CDK19: variants seen among roughly 807,000 people sequenced by gnomAD.
CDK19 encodes the protein cyclin-dependent kinase 19.
In CDK19, 20 loss-of-function variants were observed where a neutral mutation model predicts 68.3. The observed-to-expected ratio is 0.29, with a 90% CI of 0.21 to 0.43. The LOEUF (loss-of-function observed/expected upper bound fraction) is 0.43. Among genes scored for constraint, CDK19 ranks in the 20% least tolerant of loss-of-function variants. The pLI is 1.00. For synonymous variants in CDK19, 221 were observed against 222.8 expected (o/e 0.99, Z 0.07); for missense variants, 339 against 623.5 (o/e 0.54, Z 4.86).
intron 2 of CDK19, among the ~76,000 whole-genome samples, chr6:110,677,418 T>G (rs1485044345): frequency 6.6e-6 from 1 of 151,628 alleles, no homozygotes; most frequent in Non-Finnish European, 1.5e-5. Flanking sequence ...AAAAAAAAAT[T>G]AGCTGGGCGT....
intron 2 of CDK19, among the ~76,000 whole-genome samples, chr6:110,723,682 T>C (rs1462952490): frequency 6.6e-6 from 1 of 152,246 alleles, no homozygotes; most frequent in African/African-American, 2.4e-5. Context: ...CTCCTGATTT[T>C]CACAAATGAC....
At chr6:110,633,343 T>C (rs1488379678) in intron 5 of CDK19, among the ~76,000 whole-genome samples, 3 of 152,206 alleles carry the variant, frequency 2.0e-5, no homozygotes, top group African/African-American at 7.2e-5. Flanking sequence ...AGAGCTGACA[T>C]ATATATATCT....
At chr6:110,764,717 G>A (rs1191757119) in intron 1 of CDK19, among the ~76,000 whole-genome samples, 8 of 152,122 alleles carry the variant, frequency 5.3e-5, no homozygotes, top group Non-Finnish European at 1.2e-4. Context: ...TTGGGAGGCC[G>A]AGGCAGGTGG....
intron 2 of CDK19, among the ~76,000 whole-genome samples, chr6:110,721,204 C>A (rs1348091792): frequency 2.0e-5 from 3 of 152,084 alleles, no homozygotes; most frequent in African/African-American, 4.8e-5. Flanking sequence ...TGCACCACTG[C>A]ACTCCAGTCT....
At chr6:110,749,385 T>C (rs76670462) in intron 1 of CDK19, among the ~76,000 whole-genome samples, 2,147 of 148,220 alleles carry the variant, frequency 0.014, 51 homozygotes, top group African/African-American at 0.052. Context: ...ATGTTCCTTT[T>C]TTTTTTGAGA....
At position 110,666,966 on chromosome 6, in the gene CDK19, C is replaced by T. The variant is rs185596417; in HGVS notation, c.456+468G>A. On this transcript the variant is annotated intron_variant, in intron 4 of 12. Transcript: ENST00000368911. ...AGCTAATTTGCCTAATAAGTATATACCACCTGTTAGATTTATTTATTCATT... is the reference window on the plus strand; with the variant it reads ...AGCTAATTTGCCTAATAAGTATATATCACCTGTTAGATTTATTTATTCATT... Among the ~76,000 whole-genome samples, 48 of 152,024 alleles carry T rather than the reference C, an allele frequency of 3.2e-4. 1 individual carries two copies. Among genetic ancestry groups the T allele is most frequent in the African/African-American group, 1.1e-3 (47 of 41,462 alleles).
intron 4 of CDK19, among the ~76,000 whole-genome samples, chr6:110,664,917 T>C (rs904774090): frequency 2.0e-5 from 3 of 152,256 alleles, no homozygotes; most frequent in Non-Finnish European, 2.9e-5. Flanking sequence ...TAAGGGGTTT[T>C]AAGATAGGGG....
intron 1 of CDK19, among the ~76,000 whole-genome samples, chr6:110,776,225 T>TC (rs1353017171): frequency 6.6e-6 from 1 of 151,798 alleles, no homozygotes; most frequent in African/African-American, 2.4e-5. Flanking sequence ...GGTCAGGAGT[T>TC]CAAGAGCAGC....
chr6:110,746,210 A>T lies in CDK19; in HGVS notation c.129-9T>A, dbSNP rs1381358873. 3 of 1,534,394 alleles carry T rather than the reference A, an allele frequency of 2.0e-6. No individual in the cohort carries two copies. The highest frequency in any genetic ancestry group is 1.9e-5 in the Admixed American group (1 of 53,824). On this transcript the variant is annotated splice_polypyrimidine_tract_variant and intron_variant, in intron 1 of 12. Transcript: ENST00000368911. ...ATTCCTTTTCATCTTTTCTGCACAT[A>T]AACAAAAAAACATCATTTTTCCATA...
At chr6:110,645,292 A>C (rs1342862515) in intron 4 of CDK19, among the ~76,000 whole-genome samples, 1 of 152,230 alleles carries the variant, frequency 6.6e-6, no homozygotes, top group African/African-American at 2.4e-5. Context: ...CATATTTGAA[A>C]ATTTTTAAAT....
At position 110,622,894 on chromosome 6, in the gene CDK19, T is replaced by C. The variant is rs1778804193; in HGVS notation, c.952A>G (p.Met318Val). 3.1e-6 allele frequency: 5 copies of C among 1,612,450 alleles called. No homozygotes were observed. The highest frequency in any genetic ancestry group is 1.3e-5 in the African/African-American group (1 of 75,004). The change falls in exon 10 of 13, where the codon ATG becomes GTG. Residue 318 changes from methionine to valine, a missense_variant. Around this residue, in one of 4 missense-constraint regions of CDK19, gnomAD observed 63 missense variants for 156.5 expected, o/e 0.40. Coordinates refer to ENST00000368911, the MANE Select transcript of CDK19 (RefSeq NM_015076.5). ...GAGGTAATTCTCTTGGTTGGATCCA[T>C]GGTCAGGAGTTTCTGAAGCTAGAGT... Reference protein sequence around the residue: ...VFLLLQKLLTMDPTKRITSEQ... With the variant: ...VFLLLQKLLTVDPTKRITSEQ...
chr6:110,721,870 C>G (rs553746444), intron 2 of CDK19, among the ~76,000 whole-genome samples: 3 of 152,034 alleles, frequency 2.0e-5, no homozygotes, highest in South Asian at 2.1e-4. Flanking sequence ...AGGCCGAGGC[C>G]GGAGAATCAC....
intron 3 of CDK19, 113 bp from the exon 4 acceptor site, chr6:110,667,687 A>G: frequency 2.0e-6 from 1 of 506,104 alleles, no homozygotes. Context: ...ATTAAAGGCC[A>G]ATAATGACAC....
rs372540988 is a variant in CDK19 at position 110,719,729 on chromosome 6, TTTTTG to T, written c.204+26392_204+26396del. Among the ~76,000 whole-genome samples the T allele has an allele frequency of 8.1e-4, 123 of 152,096 alleles. 1 individual carries two copies. In the East Asian group the frequency reaches 0.011, roughly 14 times the overall value. On this transcript the variant is annotated intron_variant, in intron 2 of 12. Coordinates refer to ENST00000368911, the MANE Select transcript of CDK19 (RefSeq NM_015076.5). ...AGTTAGAATAGTAAGCAGTATGGTTTTTTTGTTTTGTTTTGTTTTGAGACAGAGTC... is the reference window on the plus strand; with the variant it reads ...AGTTAGAATAGTAAGCAGTATGGTTTTTTTGTTTTGTTTTGAGACAGAGTC...
chr6:110,673,332 G>A (rs997777378), intron 2 of CDK19, among the ~76,000 whole-genome samples: 161 of 152,024 alleles, frequency 1.1e-3, no homozygotes, highest in African/African-American at 3.6e-3. Flanking sequence ...ACCATATTTC[G>A]TTTGTCCATT....
chr6:110,660,933 C>CT (rs934728361), intron 4 of CDK19, among the ~76,000 whole-genome samples: 2 of 152,168 alleles, frequency 1.3e-5, no homozygotes, highest in Non-Finnish European at 2.9e-5. Flanking sequence ...ACCAGGGACC[C>CT]ACCCTCTTCT....
chr6:110,754,819 G>T (rs1583027678), intron 1 of CDK19, among the ~76,000 whole-genome samples: 1 of 152,136 alleles, frequency 6.6e-6, no homozygotes, highest in South Asian at 2.1e-4. Flanking sequence ...CTTACTTTGA[G>T]AATTCATGAA....
chr6:110,798,628 G>GAAAAA (rs59236293), intron 1 of CDK19, among the ~76,000 whole-genome samples: 34 of 56,436 alleles, frequency 6.0e-4, no homozygotes, highest in East Asian at 1.1e-3. Context: ...TCTGTCTCCA[G>GAAAAA]AAAAAAAAAA....
chr6:110,726,143 A>C (rs1776298671), intron 2 of CDK19, among the ~76,000 whole-genome samples: 1 of 152,212 alleles, frequency 6.6e-6, no homozygotes, highest in African/African-American at 2.4e-5. Flanking sequence ...TTGGGAAAAA[A>C]AGATAATCCT....
Sources: allele counts gnomAD v4.1 joint callset (sites outside exome capture counted in the v4.1 genomes callset), GRCh38; gene constraint gnomAD v4.1.1; regional missense constraint gnomAD v4.1.1; transcripts MANE v1.5; gene names NCBI Gene and HGNC (gene_info 2026-07-23, HGNC 2026-07-21).